Variants in CNTLN observed in about 807,000 individuals in gnomAD.
The protein encoded by CNTLN is centlein, centrosomal protein.
A neutral mutation model predicts 180.0 loss-of-function variants in CNTLN; 212 were observed. The observed-to-expected ratio is 1.18, with a 90% confidence interval of 1.05 to 1.32. The LOEUF is 1.32. Among genes scored for constraint, CNTLN ranks in the 40% most tolerant of loss-of-function variants. The pLI is 0.00. For missense variants in CNTLN, 2,095 were observed against 1,610.9 expected (o/e 1.30, Z -5.14); for synonymous variants, 722 against 563.1 (o/e 1.28, Z -3.99).
At chr9:17,497,341 A>G (rs1833512574) in intron 25 of CNTLN, among the ~76,000 whole-genome samples, 1 of 152,168 alleles carries the variant, frequency 6.6e-6, no homozygotes, top group Admixed American at 6.5e-5. Flanking sequence ...AAGCCTAATC[A>G]CAGCCTAGAG....
At chr9:17,254,870 C>T (rs1448487331) in intron 5 of CNTLN, among the ~76,000 whole-genome samples, 2 of 151,656 alleles carry the variant, frequency 1.3e-5, no homozygotes, top group African/African-American at 4.8e-5. Context: ...CTGTAGCTCA[C>T]TTTTGGCGTT....
At position 17,494,723 on chromosome 9, in the gene CNTLN, A is replaced by T. The variant is rs184522177; in HGVS notation, c.4119+7657A>T. Among the ~76,000 whole-genome samples the T allele has an allele frequency of 2.2e-4, 34 of 152,286 alleles. No homozygotes were observed. In the East Asian group the frequency reaches 6.6e-3, roughly 29 times the overall value. On this transcript the variant is annotated intron_variant, in intron 25 of 25. Transcript: ENST00000380647. Reference sequence around the variant, plus strand: ...GTAACCATCCTAAGGTTGTAGCACAACACATTACTCTCGTTTGTGGTAATG... The same window carrying T: ...GTAACCATCCTAAGGTTGTAGCACATCACATTACTCTCGTTTGTGGTAATG...
intron 12 of CNTLN, 86 bp from the exon 13 acceptor site, chr9:17,366,531 A>T: frequency 3.5e-6 from 2 of 573,480 alleles, no homozygotes. Context: ...TTGATATATT[A>T]TTTAGAAATA....
At chr9:17,216,399 G>T (rs369962090) in intron 2 of CNTLN, among the ~76,000 whole-genome samples, 3 of 152,102 alleles carry the variant, frequency 2.0e-5, no homozygotes, top group East Asian at 1.9e-4. Context: ...TCCTCCTCCT[G>T]TTTGGTAATG....
At chr9:17,223,737 A>G (rs1310342851) in intron 2 of CNTLN, among the ~76,000 whole-genome samples, 1 of 151,636 alleles carries the variant, frequency 6.6e-6, no homozygotes, top group Non-Finnish European at 1.5e-5. Flanking sequence ...AGCCATTGAT[A>G]CTCTTAGAAT....
At chr9:17,288,258 A>C (rs4641158) in intron 6 of CNTLN, among the ~76,000 whole-genome samples, 1,060 of 101,442 alleles carry the variant, frequency 0.01, 244 homozygotes, top group African/African-American at 0.043. Context: ...CCTTCATTTC[A>C]TTATGTACCC....
chr9:17,385,584 C>A (rs753686195), intron 13 of CNTLN, among the ~76,000 whole-genome samples: 1 of 152,088 alleles, frequency 6.6e-6, no homozygotes, highest in Non-Finnish European at 1.5e-5. Flanking sequence ...GAACTGGGGA[C>A]AAAATCCAAA....
At chr9:17,521,296 G>GAGAGAGAGAGAGAGT in the CNTLN span, among the ~76,000 whole-genome samples, 1 of 10,446 alleles carries the variant, frequency 9.6e-5, no homozygotes, top group Non-Finnish European at 3.4e-4. Context: ...AGAGAGAGAG[G>GAGAGAGAGAGAGAGT]AAATGGAACA....
chr9:17,293,221 AC>A (rs1196637906), intron 6 of CNTLN, among the ~76,000 whole-genome samples: 1 of 152,136 alleles, frequency 6.6e-6, no homozygotes, highest in African/African-American at 2.4e-5. Context: ...TTATCTGGCA[AC>A]CCCTGTTGGG....
intron 3 of CNTLN, among the ~76,000 whole-genome samples, chr9:17,233,069 G>T (rs770381606): frequency 3.9e-5 from 6 of 151,980 alleles, no homozygotes; most frequent in Non-Finnish European, 7.4e-5. Context: ...GTTAAGTGTT[G>T]GTATGGAGGT....
intron 5 of CNTLN, among the ~76,000 whole-genome samples, chr9:17,265,447 A>G (rs989644361): frequency 6.6e-6 from 1 of 152,078 alleles, no homozygotes; most frequent in Non-Finnish European, 1.5e-5. Context: ...GTTTGCCAGT[A>G]TTTTATTGAG....
chr9:17,399,987 C>G (rs1826843246), intron 15 of CNTLN, among the ~76,000 whole-genome samples: 1 of 152,172 alleles, frequency 6.6e-6, no homozygotes, highest in Non-Finnish European at 1.5e-5. Flanking sequence ...TCCTCATTTC[C>G]TTATGAAGGC....
chr9:17,254,095 T>C (rs1826321909), intron 5 of CNTLN, among the ~76,000 whole-genome samples: 1 of 151,628 alleles, frequency 6.6e-6, no homozygotes, highest in Admixed American at 6.6e-5. Context: ...TTGTATATAT[T>C]GAATCATCCC....
chr9:17,453,358 A>T (rs1432197449), intron 18 of CNTLN, among the ~76,000 whole-genome samples: 3 of 152,192 alleles, frequency 2.0e-5, no homozygotes, highest in African/African-American at 7.2e-5. Flanking sequence ...AAATAAAATG[A>T]ATACAAAATT....
In CNTLN at chr9:17,486,648, A is replaced by T. The variant is rs140270959; in HGVS notation, c.4042-341A>T. On this transcript the variant is annotated intron_variant, in intron 24 of 25. Transcript: ENST00000380647. ...ATTAGGTTTTGTATTATCTCATGAGAGTCACCTGTAAATGATTCTTTTATA... is the reference window on the plus strand; with the variant it reads ...ATTAGGTTTTGTATTATCTCATGAGTGTCACCTGTAAATGATTCTTTTATA... Among the ~76,000 whole-genome samples the T allele has an allele frequency of 2.6e-5, 4 of 152,184 alleles. No homozygotes were observed. The East Asian group carries it at 7.7e-4, about 29-fold the overall frequency.
At chr9:17,139,478 T>C (rs1428668243) in intron 1 of CNTLN, among the ~76,000 whole-genome samples, 1 of 151,866 alleles carries the variant, frequency 6.6e-6, no homozygotes, top group African/African-American at 2.4e-5. Flanking sequence ...CTGGCCAACA[T>C]GGCGAAACCC....
intron 25 of CNTLN, among the ~76,000 whole-genome samples, chr9:17,491,005 T>A (rs1398531724): frequency 6.6e-6 from 1 of 152,102 alleles, no homozygotes; most frequent in Non-Finnish European, 1.5e-5. Flanking sequence ...CTAATTGGTC[T>A]TACCTGTTCA....
rs1338725532 is a variant in CNTLN at position 17,264,802 on chromosome 9, A to G, written c.850-8931A>G. On this transcript the variant is annotated intron_variant, in intron 5 of 25. Transcript: ENST00000380647. ...TAGGTATTTTATTCTCTTTGAAGCG[A>G]TTGTGAATGTGAGTTCACTCATGAT... Among the ~76,000 whole-genome samples, 641 of 151,966 alleles carry G rather than the reference A, an allele frequency of 4.2e-3. 2 individuals are homozygous for G. Among genetic ancestry groups the G allele is most frequent in the Middle Eastern group, 0.014 (4 of 290 alleles).
chr9:17,500,870 C>T (rs943737075), intron 25 of CNTLN, among the ~76,000 whole-genome samples: 3 of 152,122 alleles, frequency 2.0e-5, no homozygotes, highest in South Asian at 2.1e-4. Flanking sequence ...AATTAATGCT[C>T]TCAAGGTTTA....
Sources: allele counts gnomAD v4.1 joint callset (sites outside exome capture counted in the v4.1 genomes callset), GRCh38; gene constraint gnomAD v4.1.1; transcripts MANE v1.5; gene names NCBI Gene and HGNC (gene_info 2026-07-23, HGNC 2026-07-21).